Variants in ARIH1 observed in about 807,000 individuals in gnomAD.
ARIH1 encodes the protein E3 ubiquitin-protein ligase ARIH1.
Under a neutral mutation model 85.0 loss-of-function variants are expected in ARIH1, and 8 were observed. That is an observed-to-expected ratio of 0.09 (90% CI 0.06 to 0.17). The LOEUF is 0.17. Among genes scored for constraint, ARIH1 ranks in the 10% least tolerant of loss-of-function variants. The pLI, the probability that ARIH1 is intolerant of heterozygous loss-of-function variation, is 1.00. For synonymous variants in ARIH1, 238 were observed against 253.6 expected (o/e 0.94, Z 0.59); for missense variants, 311 against 718.1 (o/e 0.43, Z 6.48).
At chr15:72,497,427 A>G (rs1449549467) in intron 1 of ARIH1, among the ~76,000 whole-genome samples, 2 of 150,688 alleles carry the variant, frequency 1.3e-5, no homozygotes, top group African/African-American at 4.8e-5. Context: ...TTACTTGCTA[A>G]ATGATAGCAG....
intron 1 of ARIH1, among the ~76,000 whole-genome samples, chr15:72,480,293 A>C: frequency 7.4e-6 from 1 of 134,684 alleles, no homozygotes. Context: ...TACATGTCTC[A>C]CTGTGTCACC....
rs746086454 is a variant in ARIH1 at position 72,587,199 on chromosome 15, T to G, written c.*3907T>G. On this transcript the variant is annotated 3_prime_UTR_variant, in exon 14 of 14. Coordinates refer to ENST00000379887, the MANE Select transcript of ARIH1 (RefSeq NM_005744.5). Reference sequence around the variant, plus strand: ...GAGGTTAAATAACTCCCTCAATTTTTCATTTCCTTCTACCTGAAACTTAAC... The same window carrying G: ...GAGGTTAAATAACTCCCTCAATTTTGCATTTCCTTCTACCTGAAACTTAAC... 5.8e-6 allele frequency: 3 copies of G among 516,624 alleles called. No homozygotes were observed. The highest frequency in any genetic ancestry group is 1.2e-5 in the Non-Finnish European group (3 of 250,542). The allele number at this position is 516,624 out of a possible 1,614,324, so 32.0% of individuals were successfully genotyped here.
chr15:72,505,938 G>C (rs1040652446), intron 1 of ARIH1, among the ~76,000 whole-genome samples: 28 of 152,110 alleles, frequency 1.8e-4, no homozygotes, highest in African/African-American at 6.8e-4. Context: ...GTTTCACCAT[G>C]TTGGCCAGGC....
intron 11 of ARIH1, among the ~76,000 whole-genome samples, chr15:72,580,251 C>A (rs1165829989): frequency 6.6e-6 from 1 of 152,154 alleles, no homozygotes; most frequent in Non-Finnish European, 1.5e-5. Context: ...TCCATGTTGT[C>A]ACAACAGAAT....
chr15:72,593,025 C>T lies in ARIH1; in HGVS notation c.*9733C>T, dbSNP rs1017053605. The T allele has an allele frequency of 6.6e-6, 1 of 152,176 alleles. No individual in the cohort carries two copies. Among genetic ancestry groups the T allele is most frequent in the African/African-American group, 2.4e-5 (1 of 41,440 alleles). 9.4% of individuals were successfully genotyped at this position (152,176 alleles called of 1,614,324 possible). On this transcript the variant is annotated 3_prime_UTR_variant, in exon 14 of 14. Coordinates refer to ENST00000379887, the MANE Select transcript of ARIH1 (RefSeq NM_005744.5). ...AAAGTGGTTTTACCATTTTGTACTC[C>T]TATCAGTGATGTATGAGAGTTACAG... is the stretch of plus-strand genomic sequence containing the variant.
Position 72,601,281 on chromosome 15 carries a change from G to C in ARIH1, c.*17989G>C, listed in dbSNP as rs2064381573. The C allele has an allele frequency of 6.6e-6, 1 of 152,144 alleles. No homozygotes were observed. 9.4% of individuals were successfully genotyped at this position (152,144 alleles called of 1,614,324 possible). A position where few individuals can be genotyped will look rare whatever the true frequency, so the allele number is the denominator to read the frequency against. On this transcript the variant is annotated 3_prime_UTR_variant, in exon 14 of 14. Coordinates refer to ENST00000379887, the MANE Select transcript of ARIH1 (RefSeq NM_005744.5). ...AGTCTCTACTCATGAGCTAACATGA[G>C]TTTATTAAGTGTTCATTCTGACCAT...
At chr15:72,484,885 A>G (rs1267498761) in intron 1 of ARIH1, among the ~76,000 whole-genome samples, 1 of 152,050 alleles carries the variant, frequency 6.6e-6, no homozygotes, top group Non-Finnish European at 1.5e-5. Flanking sequence ...TTGTACTGCT[A>G]CAAATGGCGT....
intron 2 of ARIH1, among the ~76,000 whole-genome samples, chr15:72,520,418 C>G (rs1414218173): frequency 6.9e-6 from 1 of 145,874 alleles, no homozygotes; most frequent in Non-Finnish European, 1.5e-5. Context: ...TTCAACCTTT[C>G]TGGGTTTTAG....
chr15:72,541,605 A>G (rs995002624), intron 2 of ARIH1, among the ~76,000 whole-genome samples: 3 of 152,224 alleles, frequency 2.0e-5, no homozygotes, highest in Admixed American at 6.5e-5. Flanking sequence ...GAAGAATGAT[A>G]AAGGGATCTT....
At position 72,555,307 on chromosome 15, in the gene ARIH1, A is replaced by T. The variant is rs961904194; in HGVS notation, c.625A>T (p.Met209Leu). Residue 209 changes from methionine to leucine, a missense_variant, in exon 4 of 14, where the codon ATG becomes TTG. Physicochemically the swap from Met to Leu is conservative, Grantham distance 15. Coordinates refer to ENST00000379887, the MANE Select transcript of ARIH1 (RefSeq NM_005744.5). Reference protein sequence around the residue: ...TGLECGHKFCMQCWSEYLTTK... With the variant: ...TGLECGHKFCLQCWSEYLTTK... ...CCTTGAATGTGGACATAAGTTTTGT[A>T]TGCAGTGCTGGAGTGAATATTTAAC... 1.2e-6 allele frequency: 2 copies of T among 1,613,708 alleles called. No homozygotes were observed. The highest frequency in any genetic ancestry group is 2.7e-5 in the African/African-American group (2 of 74,908).
chr15:72,559,922 A>G (rs2064190781), intron 5 of ARIH1, among the ~76,000 whole-genome samples: 2 of 152,218 alleles, frequency 1.3e-5, no homozygotes, highest in Non-Finnish European at 2.9e-5. Context: ...TTTTACGGAA[A>G]TGTCTTATGT....
chr15:72,521,942 T>C (rs1433128970), intron 2 of ARIH1, among the ~76,000 whole-genome samples: 4 of 152,212 alleles, frequency 2.6e-5, no homozygotes, highest in African/African-American at 7.2e-5. Context: ...ATCTTTGTTT[T>C]TGACTTTGTT....
rs1272241355 is a variant in ARIH1, at chr15:72,597,694, C to T, written c.*14402C>T. On this transcript the variant is annotated 3_prime_UTR_variant, in exon 14 of 14. Transcript: ENST00000379887. ...TATCCACACCTTTAGTGTACTACAC[C>T]TTCCTGTACCTGGTTATCATCTAAG... 2 of 152,150 alleles carry T rather than the reference C, an allele frequency of 1.3e-5. No homozygotes were observed. The highest frequency in any genetic ancestry group is 4.8e-5 in the African/African-American group (2 of 41,416). The allele number at this position is 152,150 out of a possible 1,614,324, so 9.4% of individuals were successfully genotyped here.
At chr15:72,492,076 A>G (rs2063861658) in intron 1 of ARIH1, among the ~76,000 whole-genome samples, 1 of 152,186 alleles carries the variant, frequency 6.6e-6, no homozygotes, top group Non-Finnish European at 1.5e-5. Flanking sequence ...TACATACCCC[A>G]TTTAAGACTT....
Position 72,582,486 on chromosome 15 carries a change from G to A in ARIH1, c.1589+299G>A, listed in dbSNP as rs966094962. Among the ~76,000 whole-genome samples the A allele has an allele frequency of 1.3e-5, 2 of 152,154 alleles. No homozygotes were observed. The highest frequency in any genetic ancestry group is 4.8e-5 in the African/African-American group (2 of 41,436). On this transcript the variant is annotated intron_variant, in intron 13 of 13. Transcript: ENST00000379887. This position sits in a 1 kb window ranked among gnomAD's most constrained non-coding sequence, Gnocchi z 4.6. ...AGGCCAAGTGGCCTTTAGGATGAGA[G>A]TGAGAATTGAATGTTGGTCTTAGCC... is the stretch of plus-strand genomic sequence containing the variant.
Position 72,496,522 on chromosome 15 carries a change from A to G in ARIH1, c.375+21508A>G, listed in dbSNP as rs570098046. ...GAAGAAACTGTGTGGCCTGGTTACA[A>G]AAGTGCCTGCTGTATCTGTAACTGT... On this transcript the variant is annotated intron_variant, in intron 1 of 13. Coordinates refer to ENST00000379887, the MANE Select transcript of ARIH1 (RefSeq NM_005744.5). Among the ~76,000 whole-genome samples the G allele has an allele frequency of 4.6e-5, 7 of 152,336 alleles. No homozygotes were observed. In the East Asian group the frequency reaches 1.4e-3, roughly 29 times the overall value.
At position 72,598,879 on chromosome 15, in the gene ARIH1, G is replaced by GGC. The variant is rs1332779846; in HGVS notation, c.*15588_*15589dup. 4 of 100,322 alleles carry GGC rather than the reference G, an allele frequency of 4.0e-5. 1 individual carries two copies. The East Asian group carries it at 1.4e-3, about 35-fold the overall frequency. The allele number at this position is 100,322 out of a possible 1,614,324, so 6.2% of individuals were successfully genotyped here. On this transcript the variant is annotated 3_prime_UTR_variant, in exon 14 of 14. Coordinates refer to ENST00000379887, the MANE Select transcript of ARIH1 (RefSeq NM_005744.5). ...ACCACAGTCATGTGCCACCATGCCT[G>GGC]GCTTTTTTTTTTTTGTAGAGTTTGG...
At chr15:72,581,074 C>G in intron 12 of ARIH1, 83 bp downstream of exon 12, 1 of 1,435,946 alleles carries the variant, frequency 7.0e-7, no homozygotes, top group Non-Finnish European at 9.4e-7. Flanking sequence ...ACAGAGTTTT[C>G]AGGGTTCTTG....
At chr15:72,571,115 G>C (rs939606038) in intron 10 of ARIH1, among the ~76,000 whole-genome samples, 1 of 91,022 alleles carries the variant, frequency 1.1e-5, no homozygotes, top group African/African-American at 4.2e-5. Context: ...GGCAACAAGA[G>C]TGAAACTGTG....
Sources: allele counts gnomAD v4.1 joint callset (sites outside exome capture counted in the v4.1 genomes callset), GRCh38; gene constraint gnomAD v4.1.1; non-coding constraint Gnocchi (gnomAD v3.1); transcripts MANE v1.5; gene names NCBI Gene and HGNC (gene_info 2026-07-23, HGNC 2026-07-21).